Variants in VPS18 observed in about 807,000 individuals in gnomAD.
VPS18 encodes the protein VPS18 core subunit of CORVET and HOPS complexes, also known as vacuolar protein sorting-associated protein 18 homolog.
In VPS18, 25 loss-of-function variants were observed where a neutral mutation model predicts 82.0. The observed-to-expected ratio is 0.30, with a 90% CI of 0.22 to 0.43. The LOEUF is 0.43. Among genes scored for constraint, VPS18 ranks in the 20% least tolerant of loss-of-function variants. VPS18 has a pLI of 1.00. For missense variants in VPS18, 1,168 were observed against 1,311.1 expected (o/e 0.89, Z 1.69); for synonymous variants, 523 against 543.0 (o/e 0.96, Z 0.51).
At chr15:40,896,231 C>A in intron 2 of VPS18, 152 bp downstream of exon 2, 1 of 1,174,876 alleles carries the variant, frequency 8.5e-7, no homozygotes, top group Non-Finnish European at 1.2e-6. Context: ...AGAACCAATA[C>A]AGGGTAGTGG....
Position 40,903,285 on chromosome 15 carries a change from G to C in VPS18, c.2866G>C (p.Asp956His). Reference protein sequence around the residue: ...YCGELMIRSIDRPFIDPQRYE... With the variant: ...YCGELMIRSIHRPFIDPQRYE... ...TGGGGAGCTGATGATCCGCTCTATC[G>C]ACCGGCCGTTCATCGACCCCCAGCG... is the stretch of plus-strand genomic sequence containing the variant. The change falls in exon 5 of 5, where the codon GAC becomes CAC. Residue 956 changes from aspartate to histidine, a missense_variant. This residue lies in a region of VPS18 where 296 missense variants were observed against 354.0 expected (regional missense o/e 0.84). Coordinates refer to ENST00000220509, the MANE Select transcript of VPS18 (RefSeq NM_020857.3). The C allele has an allele frequency of 6.4e-7, 1 of 1,572,464 alleles. No individual in the cohort carries two copies. Among genetic ancestry groups the C allele is most frequent in the Non-Finnish European group, 8.6e-7 (1 of 1,159,990 alleles).
rs1445667178 is a variant in VPS18, at chr15:40,902,545, A to ATC, written c.2197-62_2197-61dup. ...CCTGCCTCGGGGCCTCTCCTCGGCCATCTCTCTCTCCCATAGTCTCCATGT... is the reference window on the plus strand; with the variant it reads ...CCTGCCTCGGGGCCTCTCCTCGGCCATCTCTCTCTCTCCCATAGTCTCCATGT... On this transcript the variant is annotated intron_variant, in intron 4 of 4. Transcript: ENST00000220509. This position sits in a 1 kb window ranked among gnomAD's most constrained non-coding sequence, Gnocchi z 4.2. 1.4e-5 allele frequency: 22 copies of ATC among 1,528,892 alleles called. No individual in the cohort carries two copies. The highest frequency in any genetic ancestry group is 1.1e-5 in the Non-Finnish European group (13 of 1,137,992). The allele number at this position is 1,528,892 out of a possible 1,614,324, so 94.7% of individuals were successfully genotyped here.
intron 2 of VPS18, among the ~76,000 whole-genome samples, chr15:40,897,989 CAG>C (rs1892257894): frequency 6.6e-6 from 1 of 152,204 alleles, no homozygotes; most frequent in East Asian, 1.9e-4. Flanking sequence ...TTTTTTGAGA[CAG>C]AGTCTTGCTC....
Position 40,899,417 on chromosome 15 carries a change from G to C in VPS18, c.599G>C (p.Gly200Ala), listed in dbSNP as rs1461527277. 6.2e-7 allele frequency: 1 copy of C among 1,603,596 alleles called. No individual in the cohort carries two copies. The highest frequency in any genetic ancestry group is 8.5e-7 in the Non-Finnish European group (1 of 1,172,378). ...FRPLYVLNEE[G>A]GPAPVCSLEA... ...CCATTGTACGTGCTAAATGAAGAAGGGGGTCCAGCACCTGTGTGCTCCCTT... is the reference window on the plus strand; with the variant it reads ...CCATTGTACGTGCTAAATGAAGAAGCGGGTCCAGCACCTGTGTGCTCCCTT... The change falls in exon 4 of 5, where the codon GGG (glycine) becomes GCG (alanine). Residue 200 changes from glycine to alanine, a missense_variant. Transcript: ENST00000220509. This position sits in a 1 kb window ranked among gnomAD's most constrained non-coding sequence, Gnocchi z 4.4.
chr15:40,899,416 G>C lies in VPS18; in HGVS notation c.598G>C (p.Gly200Arg). The change falls in exon 4 of 5, where the codon GGG becomes CGG. Residue 200 changes from glycine (G) to arginine (R), a missense_variant. Physicochemically the swap from Gly to Arg is moderately radical, Grantham distance 125 (BLOSUM62 -2). Coordinates refer to ENST00000220509, the MANE Select transcript of VPS18 (RefSeq NM_020857.3). The surrounding 1 kb of genome is among the most constrained non-coding windows in gnomAD (Gnocchi z 4.4). ...CCCATTGTACGTGCTAAATGAAGAA[G>C]GGGGTCCAGCACCTGTGTGCTCCCT... The part of the protein sequence containing the change: ...FRPLYVLNEE[G>R]GPAPVCSLEA... 6.2e-7 allele frequency: 1 copy of C among 1,603,594 alleles called. No individual in the cohort carries two copies. Among genetic ancestry groups the C allele is most frequent in the Non-Finnish European group, 8.5e-7 (1 of 1,172,248 alleles).
Position 40,902,902 on chromosome 15 carries a change from C to A in VPS18, c.2483C>A (p.Ala828Asp). The change falls in exon 5 of 5, where the codon GCC becomes GAC. Residue 828 changes from alanine to aspartate, a missense_variant. Ala to Asp is a moderately radical substitution (Grantham distance 126, BLOSUM62 -2). Coordinates refer to ENST00000220509, the MANE Select transcript of VPS18 (RefSeq NM_020857.3). The surrounding 1 kb of genome is among the most constrained non-coding windows in gnomAD (Gnocchi z 4.2). ...ELQREMEEAT[A>D]SAQRIRRDLQ... Reference sequence around the variant, plus strand: ...CAGCGGGAGATGGAAGAGGCTACAGCCAGTGCCCAGCGCATCCGGCGAGAC... The same window carrying A: ...CAGCGGGAGATGGAAGAGGCTACAGACAGTGCCCAGCGCATCCGGCGAGAC... 1 of 1,614,264 alleles carries A rather than the reference C, an allele frequency of 6.2e-7. No homozygotes were observed. Among genetic ancestry groups the A allele is most frequent in the Non-Finnish European group, 8.5e-7 (1 of 1,180,050 alleles).
rs1892203723 is a variant in VPS18, at chr15:40,894,966, C to T, written c.91+107C>T. The T allele has an allele frequency of 2.0e-5, 23 of 1,143,716 alleles. No homozygotes were observed. The South Asian group carries it at 3.2e-4, about 16-fold the overall frequency. The allele number at this position is 1,143,716 out of a possible 1,614,324, so 70.8% of individuals were successfully genotyped here. ...CTCGGGGTCATCCCCTGGGCCGTGC[C>T]TTCCGGGTCTAGGCCCCTGATTCTC... On this transcript the variant is annotated intron_variant, in intron 1 of 4. Coordinates refer to ENST00000220509, the MANE Select transcript of VPS18 (RefSeq NM_020857.3).
At chr15:40,901,045 A>G (rs2142039358) in intron 4 of VPS18, 31 bp downstream of exon 4, 4 of 1,576,606 alleles carry the variant, frequency 2.5e-6, no homozygotes, top group South Asian at 2.2e-5. Flanking sequence ...CCCAGCTGGG[A>G]GAGGGACCCA....
In VPS18 at chr15:40,899,803, G is replaced by C. The variant is rs145172193; in HGVS notation, c.985G>C (p.Val329Leu). The C allele has an allele frequency of 1.5e-5, 24 of 1,611,218 alleles. No homozygotes were observed. The highest frequency in any genetic ancestry group is 2.0e-5 in the Non-Finnish European group (24 of 1,180,008). ...GPGASPPLAI[V>L]LTQFHFLLLL... Reference sequence around the variant, plus strand: ...TGGGGCCAGCCCACCCCTAGCCATCGTCTTGACCCAGTTCCACTTCCTGCT... The same window carrying C: ...TGGGGCCAGCCCACCCCTAGCCATCCTCTTGACCCAGTTCCACTTCCTGCT... The change falls in exon 4 of 5, where the codon GTC (valine) becomes CTC (leucine). Residue 329 changes from valine (V) to leucine (L), a missense_variant. By Grantham distance (32) the Val-to-Leu change is conservative (BLOSUM62 1). Transcript: ENST00000220509. This position sits in a 1 kb window ranked among gnomAD's most constrained non-coding sequence, Gnocchi z 4.4.
At position 40,903,157 on chromosome 15, in the gene VPS18, C is replaced by T; in HGVS notation, c.2738C>T (p.Ala913Val). ...GCTCCACCCCCAGCCAAGGGCTCTG[C>T]CCGGGCCAAGGAGGCCGAGGGTGGG... is the stretch of plus-strand genomic sequence containing the variant. ...GAAPPPAKGSARAKEAEGGAA... is the reference protein window; with the variant it reads ...GAAPPPAKGSVRAKEAEGGAA... The change falls in exon 5 of 5, where the codon GCC becomes GTC. Residue 913 changes from alanine to valine, a missense_variant. Around this residue, in one of 3 missense-constraint regions of VPS18, gnomAD observed 296 missense variants for 354.0 expected, o/e 0.84. Transcript: ENST00000220509. The T allele has an allele frequency of 1.2e-6, 2 of 1,606,170 alleles. No individual in the cohort carries two copies. The highest frequency in any genetic ancestry group is 1.7e-6 in the Non-Finnish European group (2 of 1,176,148).
intron 2 of VPS18, among the ~76,000 whole-genome samples, chr15:40,898,473 C>CT (rs1354455179): frequency 0.015 from 2,060 of 136,680 alleles, 44 homozygotes; most frequent in African/African-American, 0.043. Context: ...TCAGCAATTT[C>CT]TTTTTTTTTT....
In VPS18 at chr15:40,894,480, A is replaced by T. The variant is rs895171459; in HGVS notation, c.-289A>T. On this transcript the variant is annotated 5_prime_UTR_variant, in exon 1 of 5. Transcript: ENST00000220509. The stretch of plus-strand genomic sequence containing the variant: ...GCTGAGCTGCCGGGGCGAGGTTGGG[A>T]TCACCTGGCACCGGCTGAAGGGAGC... 2 of 316,310 alleles carry T rather than the reference A, an allele frequency of 6.3e-6. No homozygotes were observed. The highest frequency in any genetic ancestry group is 1.2e-5 in the Non-Finnish European group (2 of 172,894). 19.6% of individuals were successfully genotyped at this position (316,310 alleles called of 1,614,324 possible).
In VPS18 at chr15:40,902,480, G is replaced by A; in HGVS notation, c.2197-136G>A. ...CTCTAAGTAGCTTTTACATAGCTGT[G>A]GCAGCGGCAGGCCCCCTTGCTTCCA... On this transcript the variant is annotated intron_variant, in intron 4 of 4. Coordinates refer to ENST00000220509, the MANE Select transcript of VPS18 (RefSeq NM_020857.3). This position sits in a 1 kb window ranked among gnomAD's most constrained non-coding sequence, Gnocchi z 4.2. 8.3e-7 allele frequency: 1 copy of A among 1,208,942 alleles called. No individual in the cohort carries two copies. The highest frequency in any genetic ancestry group is 1.6e-5 in the South Asian group (1 of 63,600). The allele number at this position is 1,208,942 out of a possible 1,614,324, so 74.9% of individuals were successfully genotyped here. A position where few individuals can be genotyped will look rare whatever the true frequency, so the allele number is the denominator to read the frequency against.
chr15:40,894,522 G>T lies in VPS18; in HGVS notation c.-247G>T, dbSNP rs1322153521. 6 of 386,776 alleles carry T rather than the reference G, an allele frequency of 1.6e-5. No homozygotes were observed. The highest frequency in any genetic ancestry group is 2.8e-5 in the Non-Finnish European group (6 of 216,992). The allele number at this position is 386,776 out of a possible 1,614,324, so 24.0% of individuals were successfully genotyped here. On this transcript the variant is annotated 5_prime_UTR_variant, in exon 1 of 5. Transcript: ENST00000220509. ...GAAGGGAGCCTGTGATTTTTTTGTA[G>T]CGGGGGCGGGGAGTAAGGTGCAAGA...
Position 40,902,674 on chromosome 15 carries a change from G to T in VPS18, c.2255G>T (p.Arg752Leu), listed in dbSNP as rs117449906. The T allele has an allele frequency of 6.2e-7, 1 of 1,614,252 alleles. No individual in the cohort carries two copies. The highest frequency in any genetic ancestry group is 8.5e-7 in the Non-Finnish European group (1 of 1,180,042). The change falls in exon 5 of 5, where the codon CGC becomes CTC. Residue 752 changes from arginine to leucine, a missense_variant. Physicochemically the swap from Arg to Leu is moderately radical, Grantham distance 102. This residue lies in a region of VPS18 where 296 missense variants were observed against 354.0 expected (regional missense o/e 0.84). Coordinates refer to ENST00000220509, the MANE Select transcript of VPS18 (RefSeq NM_020857.3). The surrounding 1 kb of genome is among the most constrained non-coding windows in gnomAD (Gnocchi z 4.2). Reference sequence around the variant, plus strand: ...CTGCCTGAGGAGGATGAGGAATTGCGCAAGAAGCTGTGGCTGAAGATCGCA... The same window carrying T: ...CTGCCTGAGGAGGATGAGGAATTGCTCAAGAAGCTGTGGCTGAAGATCGCA... ...ADLPEEDEEL[R>L]KKLWLKIARH... is the part of the protein sequence containing the mutation.
At chr15:40,895,787 C>T (rs541624776) in intron 1 of VPS18, 151 bp from the exon 2 acceptor site, 3 of 1,050,408 alleles carry the variant, frequency 2.9e-6, no homozygotes, top group African/African-American at 3.2e-5. Context: ...GACCAGCAAA[C>T]GACTTGATAT....
Position 40,894,705 on chromosome 15 carries a change from C to A in VPS18, c.-64C>A. 6.8e-7 allele frequency: 1 copy of A among 1,470,070 alleles called. No homozygotes were observed. The allele number at this position is 1,470,070 out of a possible 1,614,324, so 91.1% of individuals were successfully genotyped here. On this transcript the variant is annotated 5_prime_UTR_variant, in exon 1 of 5. Coordinates refer to ENST00000220509, the MANE Select transcript of VPS18 (RefSeq NM_020857.3). ...AGCTTCCATTCTGGGGCGACGGGGA[C>A]CCCGGGGGGGTAGCCCTTTTGTAAT...
intron 1 of VPS18, among the ~76,000 whole-genome samples, 194 bp downstream of exon 1, chr15:40,895,053 C>T (rs1892205430): frequency 6.6e-6 from 1 of 152,236 alleles, no homozygotes; most frequent in African/African-American, 2.4e-5. Context: ...ACGGGAGCTG[C>T]CGCGTGATCT....
Position 40,899,625 on chromosome 15 carries a change from G to A in VPS18, c.807G>A (p.Glu269=). ...TTCCCAGCAACCTGGGCTACAGTGA[G>A]TTGGCCTTCTACACCCCCAAGCTGC... The part of the protein sequence containing the change: ...REFPSNLGYS[E]LAFYTPKLRS... The change falls in exon 4 of 5, where the codon GAG becomes GAA. Residue 269 remains glutamate (E), a synonymous_variant. Transcript: ENST00000220509. This position sits in a 1 kb window ranked among gnomAD's most constrained non-coding sequence, Gnocchi z 4.4. 6.2e-7 allele frequency: 1 copy of A among 1,611,840 alleles called. No homozygotes were observed. Among genetic ancestry groups the A allele is most frequent in the Non-Finnish European group, 8.5e-7 (1 of 1,180,026 alleles).
Sources: allele counts gnomAD v4.1 joint callset (sites outside exome capture counted in the v4.1 genomes callset), GRCh38; gene constraint gnomAD v4.1.1; regional missense constraint gnomAD v4.1.1; non-coding constraint Gnocchi (gnomAD v3.1); transcripts MANE v1.5; gene names NCBI Gene and HGNC (gene_info 2026-07-23, HGNC 2026-07-21).